The following WNT9B variants were observed in gnomAD, a reference collection of about 807,000 sequenced individuals.
WNT9B encodes Wnt family member 9B, also known as protein Wnt-9b.
Under a neutral mutation model 30.2 loss-of-function variants are expected in WNT9B, and 12 were observed. That is an observed-to-expected ratio of 0.40 (90% CI 0.26 to 0.64). WNT9B has a LOEUF of 0.64. Among genes scored for constraint, WNT9B ranks in the 30% least tolerant of loss-of-function variants. WNT9B has a pLI of 0.42. For missense variants in WNT9B, 442 were observed against 485.2 expected (o/e 0.91, Z 0.84); for synonymous variants, 218 against 216.9 (o/e 1.01, Z -0.05).
chr17:46,853,419 T>G (rs1184319921), intron 1 of WNT9B, among the ~76,000 whole-genome samples: 1 of 139,200 alleles, frequency 7.2e-6, no homozygotes, highest in East Asian at 2.5e-4. Context: ...TCACCCAGGC[T>G]GGAGTGCAGT....
chr17:46,878,434 A>T lies in WNT9B; in HGVS notation c.*1716A>T, dbSNP rs1034779505. Reference sequence around the variant, plus strand: ...CCAGTGGATCAGGGCAGTCTGCTGGATGCTGGAAGGATTTTTGACTGCAGA... The same window carrying T: ...CCAGTGGATCAGGGCAGTCTGCTGGTTGCTGGAAGGATTTTTGACTGCAGA... On this transcript the variant is annotated 3_prime_UTR_variant, in exon 4 of 4. Coordinates refer to ENST00000290015, the MANE Select transcript of WNT9B (RefSeq NM_003396.3). Among the ~76,000 whole-genome samples the T allele has an allele frequency of 6.6e-6, 1 of 152,170 alleles. No individual in the cohort carries two copies. Among genetic ancestry groups the T allele is most frequent in the Non-Finnish European group, 1.5e-5 (1 of 68,014 alleles).
intron 1 of WNT9B, among the ~76,000 whole-genome samples, chr17:46,867,353 G>A (rs2085156043): frequency 6.6e-6 from 1 of 152,250 alleles, no homozygotes; most frequent in Admixed American, 6.5e-5. Flanking sequence ...GGTGGAGGTG[G>A]GATTTGAACC....
chr17:46,876,133 G>T, intron 3 of WNT9B, 112 bp from the exon 4 acceptor site: 1 of 1,029,604 alleles, frequency 9.7e-7, no homozygotes. Flanking sequence ...TGAGACCCTG[G>T]GTCTCTTTCC....
chr17:46,847,473 TG>T (rs1364348642), upstream of WNT9B, among the ~76,000 whole-genome samples: 1 of 152,182 alleles, frequency 6.6e-6, no homozygotes, highest in Non-Finnish European at 1.5e-5. Flanking sequence ...TTCAAGTATG[TG>T]GGGCTAGGAC....
At chr17:46,855,811 G>A (rs938108370) in intron 1 of WNT9B, among the ~76,000 whole-genome samples, 2 of 152,058 alleles carry the variant, frequency 1.3e-5, no homozygotes, top group African/African-American at 4.8e-5. Context: ...AGATTCTCCT[G>A]CCTCAGCTTC....
chr17:46,850,062 C>T (rs917078119), upstream of WNT9B, among the ~76,000 whole-genome samples: 1 of 152,176 alleles, frequency 6.6e-6, no homozygotes, highest in African/African-American at 2.4e-5. Context: ...GTTGGCCAGG[C>T]TGGTCTCGAA....
exon 5 of WNT9B, chr17:46,885,656 CTTTTG>C (rs965895203): frequency 2.0e-5 from 3 of 152,184 alleles, no homozygotes; most frequent in African/African-American, 7.2e-5. Context: ...ATATTGGCAT[CTTTTG>C]TTTTATTGGA....
downstream of WNT9B, chr17:46,885,385 C>G (rs933563659): frequency 5.9e-6 from 1 of 168,828 alleles, no homozygotes; most frequent in African/African-American, 2.4e-5. Context: ...TCACTGCAAC[C>G]TCCACCTCCC....
At chr17:46,863,467 G>T (rs2085077271) in intron 1 of WNT9B, among the ~76,000 whole-genome samples, 1 of 152,210 alleles carries the variant, frequency 6.6e-6, no homozygotes. Context: ...AGGAAGAAAG[G>T]AGTGTCTGCC....
At chr17:46,846,497 C>T (rs1442125052) in intron 1 of WNT9B, among the ~76,000 whole-genome samples, 1 of 152,208 alleles carries the variant, frequency 6.6e-6, no homozygotes. Flanking sequence ...TCAACATAGG[C>T]ACTGGCACAA....
chr17:46,858,824 G>A (rs1258010871), intron 1 of WNT9B, among the ~76,000 whole-genome samples: 5 of 152,006 alleles, frequency 3.3e-5, no homozygotes, highest in African/African-American at 4.8e-5. Context: ...GCGCCATCAC[G>A]CCCAGCTAAT....
At chr17:46,858,782 T>TTA (rs2084982216) in intron 1 of WNT9B, among the ~76,000 whole-genome samples, 1 of 152,138 alleles carries the variant, frequency 6.6e-6, no homozygotes, top group Admixed American at 6.6e-5. Flanking sequence ...TCCTCCTGCC[T>TTA]TAGCCTCCTG....
At chr17:46,867,158 T>C (rs2085153264) in intron 1 of WNT9B, among the ~76,000 whole-genome samples, 1 of 152,246 alleles carries the variant, frequency 6.6e-6, no homozygotes, top group Non-Finnish European at 1.5e-5. Flanking sequence ...GGAGGACTCC[T>C]GAGTCCAACC....
In WNT9B at chr17:46,872,587, G is replaced by A. The variant is rs757232564; in HGVS notation, c.148G>A (p.Ala50Thr). Residue 50 changes from alanine (A) to threonine (T), a missense_variant, in exon 2 of 4, where the codon GCC becomes ACC. By Grantham distance (58) the Ala-to-Thr change is moderately conservative. Coordinates refer to ENST00000290015, the MANE Select transcript of WNT9B (RefSeq NM_003396.3). ...TGCGGCAGCCCCGGCACAGGGCGGG[G>A]CCCACCTGAAGCAGTGTGACCTGCT... Reference protein sequence around the residue: ...GTAAAPAQGGAHLKQCDLLKL... With the variant: ...GTAAAPAQGGTHLKQCDLLKL... 9 of 1,610,142 alleles carry A rather than the reference G, an allele frequency of 5.6e-6. No homozygotes were observed. Among genetic ancestry groups the A allele is most frequent in the African/African-American group, 1.3e-5 (1 of 74,880 alleles).
intron 1 of WNT9B, among the ~76,000 whole-genome samples, chr17:46,837,642 T>A (rs952428409): frequency 2.6e-5 from 4 of 152,198 alleles, no homozygotes; most frequent in African/African-American, 9.6e-5. Context: ...CTGGGGTGAC[T>A]CCAAAGGACT....
At chr17:46,869,391 G>T (rs1446718169) in intron 1 of WNT9B, among the ~76,000 whole-genome samples, 1 of 152,332 alleles carries the variant, frequency 6.6e-6, no homozygotes, top group Non-Finnish European at 1.5e-5. Context: ...TCCCTCCAGG[G>T]TCTCTTCCCC....
intron 1 of WNT9B, among the ~76,000 whole-genome samples, chr17:46,867,144 G>C (rs553834892): frequency 3.9e-5 from 6 of 152,360 alleles, no homozygotes; most frequent in Middle Eastern, 3.4e-3. Context: ...CCTTGAGAGA[G>C]TCTGGAGGAC....
chr17:46,838,286 G>A (rs1273639601), intron 1 of WNT9B, among the ~76,000 whole-genome samples: 2 of 151,512 alleles, frequency 1.3e-5, no homozygotes, highest in Non-Finnish European at 2.9e-5. Flanking sequence ...AGCCGAGTGG[G>A]TCAGTGGATC....
chr17:46,867,275 T>G (rs909443745), intron 1 of WNT9B, among the ~76,000 whole-genome samples: 1 of 152,254 alleles, frequency 6.6e-6, no homozygotes, highest in Non-Finnish European at 1.5e-5. Flanking sequence ...TGGAGCTTAC[T>G]GTGTGCTCAC....
Sources: gnomAD v4.1 joint callset for allele counts (sites outside exome capture counted in the v4.1 genomes callset) on GRCh38, gnomAD v4.1.1 for gene constraint, MANE v1.5 for transcripts, NCBI Gene and HGNC (gene_info 2026-07-23, HGNC 2026-07-21) for gene names.